The following GNG2 variants were observed in gnomAD, a reference collection of about 807,000 sequenced individuals.
The protein encoded by GNG2 is guanine nucleotide-binding protein G(I)/G(S)/G(O) subunit gamma-2.
Under a neutral mutation model 5.5 loss-of-function variants are expected in GNG2, and 5 were observed. The observed-to-expected ratio is 0.91, with a 90% CI of 0.48 to 1.92. GNG2 has a LOEUF of 1.92. Among genes scored for constraint, GNG2 ranks in the 30% most tolerant of loss-of-function variants. The probability of loss-of-function intolerance (pLI) is 0.01; values close to 1 mark genes in which losing one functional copy is unlikely to be tolerated. For synonymous variants in GNG2, 28 were observed against 32.0 expected (o/e 0.88, Z 0.42); for missense variants, 55 against 88.4 (o/e 0.62, Z 1.52).
intron 2 of GNG2, among the ~76,000 whole-genome samples, chr14:51,889,063 G>A (rs1327672599): frequency 6.6e-6 from 1 of 151,678 alleles, no homozygotes; most frequent in African/African-American, 2.4e-5. Flanking sequence ...CTGGGGGAGA[G>A]GGAAGAGGGG....
At chr14:51,941,923 T>C (rs1888338400) in intron 2 of GNG2, among the ~76,000 whole-genome samples, 1 of 152,208 alleles carries the variant, frequency 6.6e-6, no homozygotes, top group Non-Finnish European at 1.5e-5. Flanking sequence ...GGAATTCAGG[T>C]GGGATAATTA....
intron 2 of GNG2, among the ~76,000 whole-genome samples, chr14:51,930,946 A>G (rs35420086): frequency 0.35 from 53,717 of 151,990 alleles, 10,912 homozygotes; most frequent in Non-Finnish European, 0.46. Context: ...CGAGGATGGC[A>G]CCAACCCATG....
upstream of GNG2, among the ~76,000 whole-genome samples, chr14:51,856,470 G>A (rs1285335272): frequency 2.6e-5 from 4 of 152,146 alleles, no homozygotes; most frequent in African/African-American, 9.7e-5. Flanking sequence ...GTCTTGCTCT[G>A]TTGCCCAGGT....
intron 2 of GNG2, among the ~76,000 whole-genome samples, chr14:51,921,282 T>C (rs983758160): frequency 1.6e-4 from 24 of 152,142 alleles, no homozygotes; most frequent in African/African-American, 5.8e-4. Flanking sequence ...GAGAATTCAG[T>C]GAATTAATCT....
At chr14:51,829,653 A>G (rs1266971235) in intron 2 of GNG2, among the ~76,000 whole-genome samples, 2 of 151,808 alleles carry the variant, frequency 1.3e-5, no homozygotes, top group African/African-American at 4.8e-5. Flanking sequence ...AAAAAGAAGT[A>G]TCAATCTACA....
At position 51,969,023 on chromosome 14, in the gene GNG2, T is replaced by C. The variant is rs1890080117; in HGVS notation, c.*2336T>C. The C allele has an allele frequency of 6.6e-6, 1 of 152,246 alleles. No individual in the cohort carries two copies. 9.4% of individuals were successfully genotyped at this position (152,246 alleles called of 1,614,324 possible). A position where few individuals can be genotyped will look rare whatever the true frequency, so the allele number is the denominator to read the frequency against. ...TAATACGAAAATCTTTATATGAGTT[T>C]TGGCTTCTTGGTATTTGTACTTATT... On this transcript the variant is annotated 3_prime_UTR_variant, in exon 4 of 4. Coordinates refer to ENST00000556766, the MANE Select transcript of GNG2 (RefSeq NM_053064.5).
At chr14:51,915,519 G>C (rs1237749660) in intron 2 of GNG2, among the ~76,000 whole-genome samples, 4 of 152,114 alleles carry the variant, frequency 2.6e-5, no homozygotes, top group African/African-American at 9.7e-5. Context: ...TCGAATTTGG[G>C]GTAAATGGAA....
At chr14:51,855,123 A>G (rs1566646256) in intron 2 of GNG2, among the ~76,000 whole-genome samples, 1 of 152,216 alleles carries the variant, frequency 6.6e-6, no homozygotes, top group Non-Finnish European at 1.5e-5. Flanking sequence ...ACATGTATAC[A>G]TATATGTGTG....
Position 51,923,869 on chromosome 14 carries a change from A to G in GNG2, c.-29-26781A>G, listed in dbSNP as rs539287376. Among the ~76,000 whole-genome samples, 5 of 152,312 alleles carry G rather than the reference A, an allele frequency of 3.3e-5. No homozygotes were observed. In the East Asian group the frequency reaches 7.7e-4, roughly 23 times the overall value. ...AGGGGTGGACTCAGCTTTAGCTTCA[A>G]CAGACTCTGGGACACCTCTGCCTAG... On this transcript the variant is annotated intron_variant, in intron 2 of 3. Coordinates refer to ENST00000556766, the MANE Select transcript of GNG2 (RefSeq NM_053064.5).
intron 1 of GNG2, among the ~76,000 whole-genome samples, chr14:51,864,102 T>C (rs1314407261): frequency 2.6e-5 from 4 of 152,230 alleles, no homozygotes; most frequent in Admixed American, 6.5e-5. Flanking sequence ...CCATAGCAGC[T>C]GCACTATTTT....
At chr14:51,900,819 A>C (rs1311682226) in intron 2 of GNG2, among the ~76,000 whole-genome samples, 1 of 152,080 alleles carries the variant, frequency 6.6e-6, no homozygotes. Flanking sequence ...GTAGCTCAAC[A>C]GTCATGATTG....
chr14:51,941,696 C>T (rs972372549), intron 2 of GNG2, among the ~76,000 whole-genome samples: 4 of 152,152 alleles, frequency 2.6e-5, no homozygotes, highest in African/African-American at 9.7e-5. Flanking sequence ...ATTACTAAGC[C>T]TAAATGACAA....
chr14:51,914,447 T>C (rs181436869), intron 2 of GNG2, among the ~76,000 whole-genome samples: 7 of 152,350 alleles, frequency 4.6e-5, no homozygotes, highest in Admixed American at 3.3e-4. Context: ...TTAGAATGAA[T>C]GCTGTTTTGG....
intron 1 of GNG2, among the ~76,000 whole-genome samples, chr14:51,872,217 ACT>A (rs1186563254): frequency 6.6e-6 from 1 of 151,378 alleles, no homozygotes; most frequent in African/African-American, 2.4e-5. Flanking sequence ...ATGGATTGAA[ACT>A]CTCTGGTTTT....
chr14:51,852,610 T>C (rs1881958882), intron 2 of GNG2, among the ~76,000 whole-genome samples: 1 of 152,236 alleles, frequency 6.6e-6, no homozygotes, highest in Non-Finnish European at 1.5e-5. Context: ...AGTAATTCGC[T>C]AAGGAATCTT....
At chr14:51,874,774 A>G (rs557240288) in intron 1 of GNG2, among the ~76,000 whole-genome samples, 1 of 152,218 alleles carries the variant, frequency 6.6e-6, no homozygotes, top group East Asian at 1.9e-4. Flanking sequence ...ATGAATAATT[A>G]TAATGCATTG....
chr14:51,936,346 T>A (rs1888002180), intron 2 of GNG2, among the ~76,000 whole-genome samples: 2 of 152,160 alleles, frequency 1.3e-5, no homozygotes, highest in Admixed American at 6.5e-5. Context: ...GAAGTGCTCT[T>A]GGTACCTGGG....
intron 3 of GNG2, among the ~76,000 whole-genome samples, chr14:51,965,690 A>T (rs1035380773): frequency 2.6e-5 from 4 of 152,194 alleles, no homozygotes; most frequent in African/African-American, 9.7e-5. Flanking sequence ...GTATACATAG[A>T]TATATCTCCT....
chr14:51,901,962 GTAAA>G (rs1380664860), intron 2 of GNG2, among the ~76,000 whole-genome samples: 11 of 17,444 alleles, frequency 6.3e-4, no homozygotes, highest in Non-Finnish European at 8.7e-4. Flanking sequence ...ATAACAATCT[GTAAA>G]AAAAAAAAAA....
Sources: allele counts gnomAD v4.1 joint callset (sites outside exome capture counted in the v4.1 genomes callset), GRCh38; gene constraint gnomAD v4.1.1; transcripts MANE v1.5; gene names NCBI Gene and HGNC (gene_info 2026-07-23, HGNC 2026-07-21).